Variants in INPP5A observed in about 807,000 individuals in gnomAD.
INPP5A encodes 43 kDa inositol polyphosphate 5-phophatase.
A neutral mutation model predicts 65.2 loss-of-function variants in INPP5A; 14 were observed. That is an observed-to-expected ratio of 0.21 (90% CI 0.14 to 0.34). INPP5A has a LOEUF of 0.34. Among genes scored for constraint, INPP5A ranks in the 10% least tolerant of loss-of-function variants. INPP5A has a pLI of 1.00. For missense variants in INPP5A, 431 were observed against 545.6 expected, an observed-to-expected ratio of 0.79 and a Z score of 2.09; for synonymous variants, 207 against 208.3, an observed-to-expected ratio of 0.99 and a Z score of 0.05.
chr10:132,606,947 T>C (rs1156627068), intron 1 of INPP5A, among the ~76,000 whole-genome samples: 1 of 152,198 alleles, frequency 6.6e-6, no homozygotes, highest in Non-Finnish European at 1.5e-5. Context: ...ACTTGTTCTC[T>C]CGCAAAATGG....
intron 2 of INPP5A, among the ~76,000 whole-genome samples, chr10:132,609,482 G>A (rs1025317559): frequency 6.6e-5 from 10 of 152,302 alleles, no homozygotes; most frequent in African/African-American, 2.2e-4. Flanking sequence ...CTCTCCTGGT[G>A]TGTCTCCCCT....
rs1463673381 is a variant in INPP5A, at chr10:132,650,226, C to T, written c.219-192C>T. On this transcript the variant is annotated intron_variant, in intron 3 of 15. Coordinates refer to ENST00000368594, the MANE Select transcript of INPP5A (RefSeq NM_005539.5). The surrounding 1 kb of genome is among the most constrained non-coding windows in gnomAD (Gnocchi z 5.5). ...AGCCTGTGGGAGCTTGAGCTCTGCA[C>T]ATGCTGAGAGCTGAACGTGAGGCCA... Among the ~76,000 whole-genome samples the T allele has an allele frequency of 6.6e-6, 1 of 152,200 alleles. No individual in the cohort carries two copies. Among genetic ancestry groups the T allele is most frequent in the Non-Finnish European group, 1.5e-5 (1 of 68,030 alleles).
chr10:132,752,281 G>A (rs1846499934), intron 11 of INPP5A, among the ~76,000 whole-genome samples: 1 of 152,056 alleles, frequency 6.6e-6, no homozygotes. Context: ...TCCCTTGGAG[G>A]AGGATGCCAG....
intron 11 of INPP5A, among the ~76,000 whole-genome samples, chr10:132,750,046 C>T (rs1247001236): frequency 2.0e-5 from 3 of 152,242 alleles, no homozygotes; most frequent in Non-Finnish European, 2.9e-5. Context: ...GGTGGAGGCT[C>T]CGTATCACTG....
At chr10:132,656,902 C>T (rs893830869) in intron 4 of INPP5A, among the ~76,000 whole-genome samples, 3 of 152,182 alleles carry the variant, frequency 2.0e-5, no homozygotes, top group African/African-American at 7.2e-5. Context: ...ACCGTGGGAC[C>T]CCATGTGCCA....
intron 1 of INPP5A, among the ~76,000 whole-genome samples, chr10:132,570,490 G>A (rs2071327712): frequency 2.0e-5 from 3 of 152,164 alleles, no homozygotes; most frequent in African/African-American, 7.2e-5. Flanking sequence ...GAAAGGGGTG[G>A]CAAGGCTTCT....
intron 4 of INPP5A, among the ~76,000 whole-genome samples, chr10:132,666,341 TGAG>T (rs1445780147): frequency 2.0e-5 from 3 of 152,166 alleles, no homozygotes; most frequent in Non-Finnish European, 4.4e-5. Flanking sequence ...GGGGGAAACT[TGAG>T]GAACTGTGAA....
At chr10:132,708,437 T>A (rs761223816) in intron 7 of INPP5A, 72 bp downstream of exon 7, 2 of 1,421,506 alleles carry the variant, frequency 1.4e-6, no homozygotes, top group African/African-American at 1.4e-5. Context: ...CAGCGGCATG[T>A]TCCACACACC....
chr10:132,708,377 C>T lies in INPP5A; in HGVS notation c.527+12C>T, dbSNP rs371766077. 164 of 1,612,820 alleles carry T rather than the reference C, an allele frequency of 1.0e-4. No homozygotes were observed. Among genetic ancestry groups the T allele is most frequent in the Non-Finnish European group, 1.3e-4 (152 of 1,178,880 alleles). ...TGCATTGCAGACTGGTACGTGGTGTCTGTGCTTTGTCAATTTCCATAACGT... is the reference window on the plus strand; with the variant it reads ...TGCATTGCAGACTGGTACGTGGTGTTTGTGCTTTGTCAATTTCCATAACGT... On this transcript the variant is annotated intron_variant, in intron 7 of 15. Coordinates refer to ENST00000368594, the MANE Select transcript of INPP5A (RefSeq NM_005539.5).
At chr10:132,614,649 C>T (rs943647386) in intron 2 of INPP5A, among the ~76,000 whole-genome samples, 51 of 152,242 alleles carry the variant, frequency 3.3e-4, no homozygotes, top group African/African-American at 1.2e-3. Context: ...AACACAGGAG[C>T]CAGCCCCCGC....
intron 1 of INPP5A, among the ~76,000 whole-genome samples, chr10:132,552,237 T>C (rs555465139): frequency 6.5e-5 from 9 of 139,046 alleles, no homozygotes; most frequent in African/African-American, 2.5e-4. Context: ...GGAGGATTGG[T>C]GAATGCCTTC....
chr10:132,757,580 G>T (rs757123499), intron 11 of INPP5A, among the ~76,000 whole-genome samples: 1 of 152,228 alleles, frequency 6.6e-6, no homozygotes, highest in Non-Finnish European at 1.5e-5. Context: ...TTCTCAGACC[G>T]TATCCCCGTC....
chr10:132,624,932 A>T (rs1011149703), intron 2 of INPP5A, among the ~76,000 whole-genome samples: 4 of 151,442 alleles, frequency 2.6e-5, no homozygotes, highest in African/African-American at 9.7e-5. Context: ...CGCACCTGTC[A>T]GCAGGTGCTG....
chr10:132,606,206 G>A (rs2071846936), intron 1 of INPP5A, among the ~76,000 whole-genome samples: 1 of 151,924 alleles, frequency 6.6e-6, no homozygotes, highest in Non-Finnish European at 1.5e-5. Context: ...GGGGCCAAGG[G>A]AGGCTGTCCA....
intron 1 of INPP5A, among the ~76,000 whole-genome samples, chr10:132,590,256 T>G (rs933183767): frequency 4.6e-5 from 7 of 151,910 alleles, no homozygotes; most frequent in Non-Finnish European, 1.0e-4. Flanking sequence ...GGAGGGACAG[T>G]GTGGCCTTCA....
intron 1 of INPP5A, among the ~76,000 whole-genome samples, chr10:132,577,227 C>A (rs367946488): frequency 2.0e-5 from 3 of 152,162 alleles, no homozygotes; most frequent in Admixed American, 6.5e-5. Context: ...GTTGCTCCCC[C>A]CCGGCACGCC....
intron 12 of INPP5A, among the ~76,000 whole-genome samples, chr10:132,767,627 C>T (rs1162606093): frequency 6.6e-6 from 1 of 152,226 alleles, no homozygotes; most frequent in Non-Finnish European, 1.5e-5. Context: ...AGGGCTCCCC[C>T]ATCCCGCTTG....
At chr10:132,740,918 C>G (rs1432000554) in intron 9 of INPP5A, among the ~76,000 whole-genome samples, 2 of 152,110 alleles carry the variant, frequency 1.3e-5, no homozygotes, top group East Asian at 1.9e-4. Flanking sequence ...GAGAGAAACC[C>G]TAAGAGTTCA....
chr10:132,729,095 C>T (rs748445242), intron 9 of INPP5A, among the ~76,000 whole-genome samples: 2 of 152,026 alleles, frequency 1.3e-5, no homozygotes, highest in African/African-American at 2.4e-5. Flanking sequence ...GGGGCCTGGA[C>T]GCTGGGTCCT....
Sources: gnomAD v4.1 joint callset for allele counts (sites outside exome capture counted in the v4.1 genomes callset) on GRCh38, gnomAD v4.1.1 for gene constraint, Gnocchi (gnomAD v3.1) non-coding constraint, MANE v1.5 for transcripts, NCBI Gene and HGNC (gene_info 2026-07-23, HGNC 2026-07-21) for gene names.